The following GYG1 variants were observed in gnomAD, a reference collection of about 807,000 sequenced individuals.
GYG1 encodes the protein glycogenin 1, also known as glycogenin-1.
In GYG1, 44 loss-of-function variants were observed where a neutral mutation model predicts 41.9. That is an observed-to-expected ratio of 1.05 (90% confidence interval 0.83 to 1.35). The LOEUF (loss-of-function observed/expected upper bound fraction) is 1.35. GYG1 is among the 40% of genes most tolerant of loss of function. GYG1 has a pLI of 0.00. For missense variants in GYG1, 429 were observed against 418.9 expected (o/e 1.02, Z -0.21); for synonymous variants, 141 against 158.1 (o/e 0.89, Z 0.81).
chr3:149,011,674 C>T (rs2107906007), intron 5 of GYG1, among the ~76,000 whole-genome samples: 1 of 152,276 alleles, frequency 6.6e-6, no homozygotes, highest in South Asian at 2.1e-4. Flanking sequence ...TCTCAAGAAC[C>T]CAGTTGATTT....
rs1713581022 is a variant in GYG1, at chr3:149,009,264, TTTTTC to T, written c.482-7_482-3del. 1 of 1,602,666 alleles carries T rather than the reference TTTTTC, an allele frequency of 6.2e-7. No homozygotes were observed. Among genetic ancestry groups the T allele is most frequent in the Non-Finnish European group, 8.5e-7 (1 of 1,169,826 alleles). ...AGATCTGTTAACTAATTTATATATT[TTTTTC>T]TTTTAGGTGGGGACCAAGGCATACT... On this transcript the variant is annotated splice_polypyrimidine_tract_variant and splice_region_variant and intron_variant, in intron 4 of 7. Coordinates refer to ENST00000345003, the MANE Select transcript of GYG1 (RefSeq NM_004130.4).
chr3:149,026,133 A>T (rs984002199), intron 6 of GYG1, among the ~76,000 whole-genome samples: 3 of 152,246 alleles, frequency 2.0e-5, no homozygotes, highest in African/African-American at 4.8e-5. Context: ...AAAGGTGAAG[A>T]TGGGAATTGA....
Position 149,029,598 on chromosome 3 carries a change from G to A in GYG1, c.*2665G>A, listed in dbSNP as rs1244564959. 2.0e-5 allele frequency among the ~76,000 whole-genome samples: 3 copies of A among 152,276 alleles called. No individual in the cohort carries two copies. The East Asian group carries it at 5.8e-4, about 29-fold the overall frequency. On this transcript the variant is annotated 3_prime_UTR_variant, in exon 8 of 8. Transcript: ENST00000345003. ...TTGTTAAGAGCCAAACATCAAATGT[G>A]CCCTTATATTTTTAATGAATCTCAT...
intron 1 of GYG1, among the ~76,000 whole-genome samples, chr3:148,992,053 G>A (rs1286813079): frequency 6.6e-6 from 1 of 152,122 alleles, no homozygotes; most frequent in Non-Finnish European, 1.5e-5. Context: ...GCCTCTGGCG[G>A]CCCGGAACCC....
intron 1 of GYG1, chr3:148,992,248 C>G (rs1202823040): frequency 6.3e-6 from 1 of 157,504 alleles, no homozygotes; most frequent in Non-Finnish European, 1.4e-5. Context: ...CCGGCTTTGG[C>G]TTCACTTGTT....
At chr3:148,992,799 T>C (rs1712563109) in intron 1 of GYG1, 1 of 152,500 alleles carries the variant, frequency 6.6e-6, no homozygotes, top group Middle Eastern at 3.4e-3. Flanking sequence ...CTGGTGGCCC[T>C]TCGGGGGTGG....
At chr3:149,010,166 T>C (rs1713635576) in intron 5 of GYG1, among the ~76,000 whole-genome samples, 1 of 152,178 alleles carries the variant, frequency 6.6e-6, no homozygotes, top group African/African-American at 2.4e-5. Flanking sequence ...ACTTAAGACT[T>C]GGTGCCTCAG....
chr3:148,991,659 C>G lies in GYG1; in HGVS notation c.7+12C>G. On this transcript the variant is annotated intron_variant, in intron 1 of 7. Coordinates refer to ENST00000345003, the MANE Select transcript of GYG1 (RefSeq NM_004130.4). Reference sequence around the variant, plus strand: ...CAGCACCATGACAGGTACCGCCGCGCAGCCCGCCGCCGCCAGCCCCGGGAC... The same window carrying G: ...CAGCACCATGACAGGTACCGCCGCGGAGCCCGCCGCCGCCAGCCCCGGGAC... 1 of 1,528,278 alleles carries G rather than the reference C, an allele frequency of 6.5e-7. No homozygotes were observed. The highest frequency in any genetic ancestry group is 8.7e-7 in the Non-Finnish European group (1 of 1,144,248). The allele number at this position is 1,528,278 out of a possible 1,614,324, so 94.7% of individuals were successfully genotyped here.
intron 5 of GYG1, among the ~76,000 whole-genome samples, chr3:149,010,046 G>A (rs906235552): frequency 3.9e-5 from 6 of 152,314 alleles, no homozygotes; most frequent in South Asian, 2.1e-4. Flanking sequence ...CTCAGTACAC[G>A]TTAGATTGTT....
chr3:148,991,928 G>T (rs1712500548), intron 1 of GYG1, among the ~76,000 whole-genome samples: 1 of 152,188 alleles, frequency 6.6e-6, no homozygotes, highest in Admixed American at 6.5e-5. Context: ...CTCTCACGGC[G>T]AAGGGCCGGC....
At chr3:149,005,933 T>A (rs1015786140) in intron 4 of GYG1, among the ~76,000 whole-genome samples, 3 of 152,172 alleles carry the variant, frequency 2.0e-5, no homozygotes, top group African/African-American at 7.2e-5. Context: ...TTTCACCAGT[T>A]TTATATGTAT....
chr3:149,003,037 A>G (rs1713183079), intron 4 of GYG1, among the ~76,000 whole-genome samples: 1 of 151,970 alleles, frequency 6.6e-6, no homozygotes, highest in South Asian at 2.1e-4. Context: ...TAATAGATAG[A>G]TAGATAGAAG....
Position 148,991,568 on chromosome 3 carries a change from C to G in GYG1, c.-73C>G, listed in dbSNP as rs113264490. On this transcript the variant is annotated 5_prime_UTR_variant, in exon 1 of 8. Coordinates refer to ENST00000345003, the MANE Select transcript of GYG1 (RefSeq NM_004130.4). Reference sequence around the variant, plus strand: ...CCGCCGTGCCTCCTCGCTGGCCGCGCTCCCTCCCGGTGCCGGCTTCTCTGA... The same window carrying G: ...CCGCCGTGCCTCCTCGCTGGCCGCGGTCCCTCCCGGTGCCGGCTTCTCTGA... 1.0e-3 allele frequency: 1,570 copies of G among 1,531,416 alleles called. 9 individuals are homozygous for G. The African/African-American group carries it at 0.018, about 17-fold the overall frequency. 94.9% of individuals were successfully genotyped at this position (1,531,416 alleles called of 1,614,324 possible). A position where few individuals can be genotyped will look rare whatever the true frequency, so the allele number is the denominator to read the frequency against.
At chr3:149,016,269 A>AC (rs1714028021) in intron 5 of GYG1, among the ~76,000 whole-genome samples, 3 of 151,026 alleles carry the variant, frequency 2.0e-5, no homozygotes, top group African/African-American at 4.9e-5. Flanking sequence ...TCAAAAAAAA[A>AC]AAAAAAACAA....
rs1042796872 is a variant in GYG1 at position 148,991,542 on chromosome 3, C to T, written c.-99C>T. The T allele has an allele frequency of 1.3e-5, 19 of 1,473,056 alleles. No individual in the cohort carries two copies. The highest frequency in any genetic ancestry group is 1.6e-5 in the Non-Finnish European group (17 of 1,093,564). The allele number at this position is 1,473,056 out of a possible 1,614,324, so 91.2% of individuals were successfully genotyped here. ...AGCGCACGGGGCAGACGCTCGGTTC[C>T]CCGCCGTGCCTCCTCGCTGGCCGCG... On this transcript the variant is annotated 5_prime_UTR_variant, in exon 1 of 8. Transcript: ENST00000345003.
At chr3:149,005,362 C>T (rs1713333896) in intron 4 of GYG1, among the ~76,000 whole-genome samples, 1 of 152,074 alleles carries the variant, frequency 6.6e-6, no homozygotes, top group Admixed American at 6.6e-5. Flanking sequence ...AATGCAATTA[C>T]TATTATTTTA....
chr3:149,004,201 C>G (rs891378366), intron 4 of GYG1, among the ~76,000 whole-genome samples: 1 of 152,184 alleles, frequency 6.6e-6, no homozygotes, highest in African/African-American at 2.4e-5. Flanking sequence ...CCTGGTGTAC[C>G]GGATCACAGC....
chr3:148,996,824 C>G lies in GYG1; in HGVS notation c.401C>G (p.Ser134Cys). Residue 134 changes from serine (S) to cysteine (C), a missense_variant, in exon 4 of 8, where the codon TCC becomes TGC. Ser to Cys is a moderately radical substitution (Grantham distance 112). Coordinates refer to ENST00000345003, the MANE Select transcript of GYG1 (RefSeq NM_004130.4). ...PDPGWPDCFN[S>C]GVFVYQPSVE... is the part of the protein sequence containing the mutation. ...CCAGGGTGGCCTGACTGCTTCAATTCCGGAGTCTTCGTTTATCAGCCTTCA... is the reference window on the plus strand; with the variant it reads ...CCAGGGTGGCCTGACTGCTTCAATTGCGGAGTCTTCGTTTATCAGCCTTCA... 2.5e-6 allele frequency: 4 copies of G among 1,612,760 alleles called. No individual in the cohort carries two copies. The highest frequency in any genetic ancestry group is 3.4e-6 in the Non-Finnish European group (4 of 1,178,730).
chr3:149,019,043 TGAGTGAGA>T (rs372184322), intron 5 of GYG1, among the ~76,000 whole-genome samples: 281 of 143,814 alleles, frequency 2.0e-3, no homozygotes, highest in African/African-American at 7.1e-3. Flanking sequence ...GACTCCAGCC[TGAGTGAGA>T]GAGTGAGACA....
Sources: allele counts gnomAD v4.1 joint callset (sites outside exome capture counted in the v4.1 genomes callset), GRCh38; gene constraint gnomAD v4.1.1; transcripts MANE v1.5; gene names NCBI Gene and HGNC (gene_info 2026-07-23, HGNC 2026-07-21).